SMG1: variants seen among roughly 807,000 people sequenced by gnomAD.
SMG1 encodes the protein serine/threonine-protein kinase SMG1.
A neutral mutation model predicts 419.9 loss-of-function variants in SMG1; 22 were observed. The ratio of observed to expected loss-of-function variants is 0.05; its 90% confidence interval spans 0.04 to 0.07. The LOEUF (loss-of-function observed/expected upper bound fraction) is 0.07. Ranked by LOEUF, SMG1 falls within the 10% of genes least tolerant of loss-of-function variation. The probability of loss-of-function intolerance (pLI) is 1.00; values close to 1 mark genes in which losing one functional copy is unlikely to be tolerated. For missense variants in SMG1, 3,185 were observed against 4,342.0 expected (o/e 0.73, Z 7.49); for synonymous variants, 1,538 against 1,553.5 (o/e 0.99, Z 0.23).
At chr16:18,842,018 G>A (rs2033955220) in intron 40 of SMG1, among the ~76,000 whole-genome samples, 190 bp downstream of exon 40, 1 of 152,054 alleles carries the variant, frequency 6.6e-6, no homozygotes, top group African/African-American at 2.4e-5. Context: ...ACAAAGTGGG[G>A]GTGGAAAATC....
chr16:18,881,413 AC>A (rs1306834055), intron 10 of SMG1, among the ~76,000 whole-genome samples: 18 of 152,244 alleles, frequency 1.2e-4, no homozygotes, highest in African/African-American at 4.3e-4. Flanking sequence ...TACGCAACTT[AC>A]TAAAAATTTT....
At chr16:18,884,203 G>A (rs1335378557) in intron 8 of SMG1, 36 bp from the exon 9 acceptor site, 2 of 1,144,758 alleles carry the variant, frequency 1.7e-6, no homozygotes, top group Non-Finnish European at 2.5e-6. Flanking sequence ...AAGGGTAGGG[G>A]GGAAAAAAAC....
intron 29 of SMG1, 34 bp downstream of exon 29, chr16:18,858,136 T>TAG: frequency 6.6e-7 from 1 of 1,521,326 alleles, no homozygotes; most frequent in Non-Finnish European, 8.8e-7. Context: ...AGAACACCTT[T>TAG]AATTTTCTCT....
chr16:18,867,623 T>C (rs938418586), intron 22 of SMG1, among the ~76,000 whole-genome samples: 70 of 151,470 alleles, frequency 4.6e-4, no homozygotes, highest in African/African-American at 1.7e-3. Flanking sequence ...ACTTTGCACG[T>C]AAGAAATATA....
At chr16:18,867,526 AAAATAAATAAAT>A (rs139133406) in intron 22 of SMG1, among the ~76,000 whole-genome samples, 12,795 of 142,070 alleles carry the variant, frequency 0.09, 702 homozygotes, top group African/African-American at 0.16. Flanking sequence ...TGTGTCTCAA[AAAATAAATAAAT>A]AAATAAATAA....
chr16:18,866,331 G>A (rs1412397242), intron 23 of SMG1: 1 of 447,508 alleles, frequency 2.2e-6, no homozygotes, highest in Non-Finnish European at 4.1e-6. Context: ...ATCAGACTCT[G>A]AGGGGGAAGG....
chr16:18,913,214 G>C (rs888961210), intron 1 of SMG1, among the ~76,000 whole-genome samples: 2 of 151,992 alleles, frequency 1.3e-5, no homozygotes, highest in African/African-American at 2.4e-5. Context: ...AATCAAATTA[G>C]GGCCTGGAAA....
chr16:18,841,864 T>C, intron 40 of SMG1, 70 bp from the exon 41 acceptor site: 1 of 1,315,138 alleles, frequency 7.6e-7, no homozygotes, highest in Non-Finnish European at 1.1e-6. Context: ...ACTCCTCTTT[T>C]TCAACTAGCA....
chr16:18,815,148 G>C, intron 60 of SMG1, 27 bp downstream of exon 60: 2 of 1,419,454 alleles, frequency 1.4e-6, no homozygotes, highest in African/African-American at 1.4e-5. Flanking sequence ...ATTAACAACA[G>C]ATCAAGACTC....
Position 18,839,935 on chromosome 16 carries a change from G to A in SMG1, c.6708C>T (p.Ser2236=). 6.3e-7 allele frequency: 1 copy of A among 1,589,390 alleles called. No individual in the cohort carries two copies. The highest frequency in any genetic ancestry group is 1.1e-5 in the South Asian group (1 of 88,262). The change falls in exon 42 of 63, where the codon TCC becomes TCT. Residue 2236 remains serine (S), a synonymous_variant. Transcript: ENST00000446231. ...TTCCAGGATTCTGAGGAGTTTGGTA[G>A]GAATCTTGGGCCTTAAGAAAAAACA... is the stretch of plus-strand genomic sequence containing the variant. ...AALQAQKAQD[S]YQTPQNPGIV...
At chr16:18,897,516 A>G (rs2037180341) in intron 1 of SMG1, among the ~76,000 whole-genome samples, 1 of 152,220 alleles carries the variant, frequency 6.6e-6, no homozygotes, top group Non-Finnish European at 1.5e-5. Flanking sequence ...AAAGAGTAGC[A>G]ATCAGAATTT....
chr16:18,881,862 T>A (rs1336308002), intron 10 of SMG1, among the ~76,000 whole-genome samples: 1 of 152,040 alleles, frequency 6.6e-6, no homozygotes, highest in Non-Finnish European at 1.5e-5. Flanking sequence ...GGAAACCCAA[T>A]AATTTAAAAG....
Position 18,898,214 on chromosome 16 carries a change from G to A in SMG1, c.93-1258C>T, listed in dbSNP as rs1391250230. Among the ~76,000 whole-genome samples, 5 of 152,268 alleles carry A rather than the reference G, an allele frequency of 3.3e-5. No homozygotes were observed. The East Asian group carries it at 5.8e-4, about 18-fold the overall frequency. On this transcript the variant is annotated intron_variant, in intron 1 of 62. Transcript: ENST00000446231. ...CTGTTAATACAGAATGCAGACAACAGGTCCAATTAAACTTGGATATCTAAC... is the reference window on the plus strand; with the variant it reads ...CTGTTAATACAGAATGCAGACAACAAGTCCAATTAAACTTGGATATCTAAC...
chr16:18,839,890 T>C lies in SMG1; in HGVS notation c.6753A>G (p.Glu2251=). 6.2e-7 allele frequency: 1 copy of C among 1,610,636 alleles called. No individual in the cohort carries two copies. The highest frequency in any genetic ancestry group is 8.5e-7 in the Non-Finnish European group (1 of 1,178,146). Reference sequence around the variant, plus strand: ...CAGGGCCAATTTTACTGTAATAAAGTTCACTAGGACGGGGTACAATTCCAG... The same window carrying C: ...CAGGGCCAATTTTACTGTAATAAAGCTCACTAGGACGGGGTACAATTCCAG... The part of the protein sequence containing the change: ...QNPGIVPRPS[E]LYYSKIGPAL... The change falls in exon 42 of 63, where the codon GAA becomes GAG. Residue 2251 remains glutamate, a synonymous_variant. Coordinates refer to ENST00000446231, the MANE Select transcript of SMG1 (RefSeq NM_015092.5).
chr16:18,819,749 A>C (rs989061974), intron 55 of SMG1, 95 bp from the exon 56 acceptor site: 2 of 1,207,460 alleles, frequency 1.7e-6, no homozygotes, highest in Admixed American at 3.3e-5. Context: ...ATTCAAAAGA[A>C]CCAGGGTGGA....
rs772623529 is a variant in SMG1, at chr16:18,837,258, T to C, written c.7599A>G (p.Gln2533=). The C allele has an allele frequency of 5.6e-6, 9 of 1,612,312 alleles. No homozygotes were observed. The South Asian group carries it at 9.9e-5, about 18-fold the overall frequency. ...AATTCAACACTGTTTTAAACCTGTG[T>C]TGCAGAGTATGAGAAGGATGATCCA... ...EGVDHPSHTL[Q]HRYSEHTQLQ... The change falls in exon 46 of 63, where the codon CAA becomes CAG. Residue 2533 remains glutamine (Q), a synonymous_variant. Coordinates refer to ENST00000446231, the MANE Select transcript of SMG1 (RefSeq NM_015092.5).
intron 60 of SMG1, among the ~76,000 whole-genome samples, chr16:18,813,747 T>C (rs1413611066): frequency 6.6e-6 from 1 of 152,212 alleles, no homozygotes; most frequent in Non-Finnish European, 1.5e-5. Context: ...CATGCCTATG[T>C]CCTGAATGGT....
At chr16:18,821,241 C>CT (rs2032528443) in intron 55 of SMG1, among the ~76,000 whole-genome samples, 26 of 31,880 alleles carry the variant, frequency 8.2e-4, no homozygotes, top group Non-Finnish European at 1.0e-3. Context: ...TTTTTTTTTT[C>CT]TTTTTTTTTT....
chr16:18,926,032 T>C lies in SMG1; in HGVS notation c.10A>G (p.Arg4Gly). Residue 4 changes from arginine to glycine, a missense_variant, in exon 1 of 63, where the codon AGA (arginine) becomes GGA (glycine). Coordinates refer to ENST00000446231, the MANE Select transcript of SMG1 (RefSeq NM_015092.5). Reference sequence around the variant, plus strand: ...CTGCTCAGCCGAGACCCCGGGGCTCTGCGGCTCATTACCTTCCCCGACACG... The same window carrying C: ...CTGCTCAGCCGAGACCCCGGGGCTCCGCGGCTCATTACCTTCCCCGACACG... MSR[R>G]APGSRLSSGG... 6.4e-7 allele frequency: 1 copy of C among 1,572,734 alleles called. No homozygotes were observed. The highest frequency in any genetic ancestry group is 8.6e-7 in the Non-Finnish European group (1 of 1,167,834).
Sources: allele counts gnomAD v4.1 joint callset (sites outside exome capture counted in the v4.1 genomes callset), GRCh38; gene constraint gnomAD v4.1.1; transcripts MANE v1.5; gene names NCBI Gene and HGNC (gene_info 2026-07-23, HGNC 2026-07-21).